Variants in HIVEP3 observed in about 807,000 individuals in gnomAD.
The protein encoded by HIVEP3 is HIVEP zinc finger 3.
A neutral mutation model predicts 152.8 loss-of-function variants in HIVEP3; 49 were observed. That is an observed-to-expected ratio of 0.32 (90% CI 0.26 to 0.41). The LOEUF is 0.41. Among genes scored for constraint, HIVEP3 ranks in the 10% least tolerant of loss-of-function variants. The probability of loss-of-function intolerance (pLI) is 1.00; values close to 1 mark genes in which losing one functional copy is unlikely to be tolerated. For synonymous variants in HIVEP3, 1,269 were observed against 1,289.0 expected (o/e 0.98, Z 0.33); for missense variants, 2,790 against 3,103.3 (o/e 0.90, Z 2.40).
At position 41,510,051 on chromosome 1, in the gene HIVEP3, T is replaced by G; in HGVS notation, c.*400A>C. 6.3e-6 allele frequency: 1 copy of G among 158,844 alleles called. No homozygotes were observed. Among genetic ancestry groups the G allele is most frequent in the Non-Finnish European group, 1.4e-5 (1 of 72,992 alleles). The allele number at this position is 158,844 out of a possible 1,614,324, so 9.8% of individuals were successfully genotyped here. On this transcript the variant is annotated 3_prime_UTR_variant, in exon 9 of 9. Transcript: ENST00000372583. Reference sequence around the variant, plus strand: ...GTGCTTCCTTTTACATTTAATTCTATATTGTTTGAAGTTTCCTTTTCCTTT... The same window carrying G: ...GTGCTTCCTTTTACATTTAATTCTAGATTGTTTGAAGTTTCCTTTTCCTTT...
intron 1 of HIVEP3, among the ~76,000 whole-genome samples, chr1:42,004,079 C>T (rs1230279520): frequency 6.6e-6 from 1 of 152,180 alleles, no homozygotes; most frequent in Non-Finnish European, 1.5e-5. Context: ...TCACTGCCAC[C>T]TCTCCCAGCA....
At chr1:41,769,762 A>G (rs1415569638) in intron 1 of HIVEP3, among the ~76,000 whole-genome samples, 2 of 152,226 alleles carry the variant, frequency 1.3e-5, no homozygotes, top group African/African-American at 4.8e-5. Context: ...CAAAGAATAA[A>G]AATCTTTGGG....
chr1:41,997,032 T>C (rs895824430), intron 1 of HIVEP3, among the ~76,000 whole-genome samples: 1 of 152,142 alleles, frequency 6.6e-6, no homozygotes, highest in African/African-American at 2.4e-5. Flanking sequence ...AGCCTCAAGA[T>C]CCTTAACTCA....
intron 3 of HIVEP3, among the ~76,000 whole-genome samples, chr1:41,585,620 G>T (rs1196931591): frequency 6.6e-6 from 1 of 152,208 alleles, no homozygotes; most frequent in Non-Finnish European, 1.5e-5. Flanking sequence ...TCTGGGAACT[G>T]CAGGGTGGTT....
At chr1:41,896,773 A>G (rs1006840294) in intron 1 of HIVEP3, among the ~76,000 whole-genome samples, 3 of 151,850 alleles carry the variant, frequency 2.0e-5, no homozygotes, top group African/African-American at 7.3e-5. Context: ...ATAGGGTTTC[A>G]CCATGGTAGC....
intron 5 of HIVEP3, among the ~76,000 whole-genome samples, chr1:41,539,385 C>T (rs1189546852): frequency 6.6e-6 from 1 of 152,250 alleles, no homozygotes; most frequent in African/African-American, 2.4e-5. Flanking sequence ...CTTCTTTCCT[C>T]CAGTCTCAGC....
At chr1:41,967,226 A>C (rs993614363) in intron 1 of HIVEP3, among the ~76,000 whole-genome samples, 6 of 152,192 alleles carry the variant, frequency 3.9e-5, no homozygotes, top group Admixed American at 2.0e-4. Context: ...CTCCCCACCC[A>C]AAACAATAGA....
intron 1 of HIVEP3, among the ~76,000 whole-genome samples, chr1:41,719,170 A>AGAG (rs1421434129): frequency 2.0e-5 from 3 of 152,216 alleles, no homozygotes; most frequent in Admixed American, 6.5e-5. Flanking sequence ...AGGAGGAGAG[A>AGAG]GAGGAGCTTT....
rs374243775 is a variant in HIVEP3, at chr1:41,536,326, G to A, written c.5208-11416C>T. On this transcript the variant is annotated intron_variant, in intron 5 of 8. Transcript: ENST00000372583. ...GTGGGAGGGAATTCATGACGTCTACGTGCTCAGGACACGTCCAGCACACCG... is the reference window on the plus strand; with the variant it reads ...GTGGGAGGGAATTCATGACGTCTACATGCTCAGGACACGTCCAGCACACCG... 2.6e-4 allele frequency among the ~76,000 whole-genome samples: 40 copies of A among 152,246 alleles called. No individual in the cohort carries two copies. In the East Asian group the frequency reaches 7.1e-3, roughly 27 times the overall value.
At chr1:42,008,210 A>T (rs1181458045) in intron 1 of HIVEP3, among the ~76,000 whole-genome samples, 2 of 152,208 alleles carry the variant, frequency 1.3e-5, no homozygotes, top group East Asian at 3.8e-4. Context: ...TGTCACATGA[A>T]ATCTGTGCCA....
chr1:41,681,607 C>T (rs1321765233), intron 2 of HIVEP3, among the ~76,000 whole-genome samples: 1 of 152,228 alleles, frequency 6.6e-6, no homozygotes, highest in African/African-American at 2.4e-5. Flanking sequence ...CATTCTTTCA[C>T]AGGCACAGCT....
In HIVEP3 at chr1:41,507,250, G is replaced by C. The variant is rs1001258389; in HGVS notation, c.*3201C>G. The stretch of plus-strand genomic sequence containing the variant: ...TTTTTCCAACAGAGGGAAGCAGAGG[G>C]ACTTCTGGGTCTGGAAGTTGGAGCT... On this transcript the variant is annotated 3_prime_UTR_variant, in exon 9 of 9. Coordinates refer to ENST00000372583, the MANE Select transcript of HIVEP3 (RefSeq NM_024503.5). 1 of 152,302 alleles carries C rather than the reference G, an allele frequency of 6.6e-6. No homozygotes were observed. The highest frequency in any genetic ancestry group is 1.5e-5 in the Non-Finnish European group (1 of 68,106). 9.4% of individuals were successfully genotyped at this position (152,302 alleles called of 1,614,324 possible).
chr1:41,624,453 T>C (rs1645088559), intron 3 of HIVEP3, among the ~76,000 whole-genome samples: 1 of 152,234 alleles, frequency 6.6e-6, no homozygotes, highest in Non-Finnish European at 1.5e-5. Context: ...ATTTGGTTTG[T>C]GCAGACCTCA....
intron 1 of HIVEP3, among the ~76,000 whole-genome samples, chr1:41,778,162 C>T (rs1195818727): frequency 6.6e-6 from 1 of 152,128 alleles, no homozygotes; most frequent in Non-Finnish European, 1.5e-5. Flanking sequence ...CGGTAATGAA[C>T]GAAGGAAGAG....
At position 41,628,350 on chromosome 1, in the gene HIVEP3, A is replaced by C. The variant is rs113567371; in HGVS notation, c.-522+399T>G. ...GTGGTGGTCTTCAGCAAGAACCATTATGTAGGAGAAGAGGGTAGACCTCTG... is the reference window on the plus strand; with the variant it reads ...GTGGTGGTCTTCAGCAAGAACCATTCTGTAGGAGAAGAGGGTAGACCTCTG... On this transcript the variant is annotated intron_variant, in intron 3 of 8. Coordinates refer to ENST00000372583, the MANE Select transcript of HIVEP3 (RefSeq NM_024503.5). Among the ~76,000 whole-genome samples the C allele has an allele frequency of 1.3e-3, 197 of 152,288 alleles. 2 individuals carry two copies. The highest frequency in any genetic ancestry group is 4.6e-3 in the African/African-American group (192 of 41,558).
intron 1 of HIVEP3, among the ~76,000 whole-genome samples, chr1:41,728,996 G>T (rs563507109): frequency 6.6e-6 from 1 of 152,292 alleles, no homozygotes; most frequent in South Asian, 2.1e-4. Context: ...TCTCCACGTG[G>T]CTGCAATCTC....
rs980929833 is a variant in HIVEP3, at chr1:41,918,690, G to C, written c.-1078C>G. ...CAAACTAGGCAGCTGGATAATGGGA[G>C]AGTCGGCTGGTTGTGAGCATGCTCG... On this transcript the variant is annotated 5_prime_UTR_variant, in exon 1 of 9. Transcript: ENST00000372583. The surrounding 1 kb of genome is among the most constrained non-coding windows in gnomAD (Gnocchi z 4.3). 6.6e-6 allele frequency: 1 copy of C among 152,254 alleles called. No homozygotes were observed. The highest frequency in any genetic ancestry group is 2.4e-5 in the African/African-American group (1 of 41,458). The allele number at this position is 152,254 out of a possible 1,614,324, so 9.4% of individuals were successfully genotyped here. A position where few individuals can be genotyped will look rare whatever the true frequency, so the allele number is the denominator to read the frequency against.
rs986809532 is a variant in HIVEP3, at chr1:41,511,463, T to C, written c.6406-197A>G. 6.6e-6 allele frequency among the ~76,000 whole-genome samples: 1 copy of C among 152,118 alleles called. No individual in the cohort carries two copies. The highest frequency in any genetic ancestry group is 1.5e-5 in the Non-Finnish European group (1 of 68,020). Reference sequence around the variant, plus strand: ...CAGCTGCCATCTCTGGAATGGGCCATCTCCAGCTCGACAGTGACCATGAGT... The same window carrying C: ...CAGCTGCCATCTCTGGAATGGGCCACCTCCAGCTCGACAGTGACCATGAGT... On this transcript the variant is annotated intron_variant, in intron 8 of 8. Coordinates refer to ENST00000372583, the MANE Select transcript of HIVEP3 (RefSeq NM_024503.5). The surrounding 1 kb of genome is among the most constrained non-coding windows in gnomAD (Gnocchi z 4.9).
At chr1:41,751,787 C>T (rs1050515586) in intron 1 of HIVEP3, among the ~76,000 whole-genome samples, 3 of 152,242 alleles carry the variant, frequency 2.0e-5, no homozygotes, top group South Asian at 2.1e-4. Context: ...GCACTAGGCC[C>T]ATCTGCACAA....
Sources: allele counts gnomAD v4.1 joint callset (sites outside exome capture counted in the v4.1 genomes callset), GRCh38; gene constraint gnomAD v4.1.1; non-coding constraint Gnocchi (gnomAD v3.1); transcripts MANE v1.5; gene names NCBI Gene and HGNC (gene_info 2026-07-23, HGNC 2026-07-21).